Variants in PIEZO2 observed in about 807,000 individuals in gnomAD.
The protein encoded by PIEZO2 is piezo type mechanosensitive ion channel component 2.
PIEZO2 carries 172 observed loss-of-function variants against 337.3 expected under a neutral mutation model. That is an observed-to-expected ratio of 0.51 (90% CI 0.45 to 0.58). PIEZO2 has a LOEUF of 0.58. PIEZO2 is among the 20% of genes least tolerant of loss of function. PIEZO2 has a pLI of 0.00. For synonymous variants in PIEZO2, 1,251 were observed against 1,228.5 expected, an observed-to-expected ratio of 1.02 and a Z score of -0.38; for missense variants, 3,028 against 3,391.3, an observed-to-expected ratio of 0.89 and a Z score of 2.66.
At chr18:10,883,054 G>T (rs1427934345) in intron 4 of PIEZO2, among the ~76,000 whole-genome samples, 1 of 151,854 alleles carries the variant, frequency 6.6e-6, no homozygotes, top group South Asian at 2.1e-4. Context: ...GGCCAGGATG[G>T]TCTCGATCTC....
At chr18:11,051,048 G>A (rs553577571) in intron 2 of PIEZO2, among the ~76,000 whole-genome samples, 45 of 152,166 alleles carry the variant, frequency 3.0e-4, no homozygotes, top group Middle Eastern at 6.8e-3. Flanking sequence ...TATTATTCCC[G>A]TGGCCATTTT....
chr18:10,890,168 T>A (rs1015446386), intron 4 of PIEZO2, among the ~76,000 whole-genome samples: 1 of 152,218 alleles, frequency 6.6e-6, no homozygotes, highest in Non-Finnish European at 1.5e-5. Context: ...GTGTTTAAAC[T>A]ACAGCCCATA....
intron 37 of PIEZO2, 94 bp from the exon 38 acceptor site, chr18:10,715,910 T>C (rs1452025551): frequency 2.6e-5 from 27 of 1,042,692 alleles, no homozygotes; most frequent in Non-Finnish European, 3.7e-5. Context: ...AAGCTGGACC[T>C]GGCTCTTGGC....
In PIEZO2 at chr18:11,120,714, A is replaced by T. The variant is rs190353880; in HGVS notation, c.64+27811T>A. 1.3e-3 allele frequency among the ~76,000 whole-genome samples: 199 copies of T among 152,360 alleles called. 1 individual carries two copies. In the Middle Eastern group the frequency reaches 0.014, roughly 10 times the overall value. On this transcript the variant is annotated intron_variant, in intron 1 of 55. Transcript: ENST00000674853. ...TATTAAATCAACTGTAAATCTAAGG[A>T]CATATCTTTACAATCTTGGCTACAA...
chr18:10,778,898 T>C (rs2038885162), intron 18 of PIEZO2, among the ~76,000 whole-genome samples: 1 of 152,196 alleles, frequency 6.6e-6, no homozygotes, highest in Admixed American at 6.5e-5. Flanking sequence ...TGCCCTCTTA[T>C]GGGTCTCAGC....
In PIEZO2 at chr18:10,952,865, CCCTT is replaced by C. The variant is rs749816608; in HGVS notation, c.286+26666_286+26669del. The stretch of plus-strand genomic sequence containing the variant: ...ATTTCCTCAGCATTTGGAATGCCTT[CCCTT>C]CCTTCCTTCCTTCCTTTCATCCCTC... On this transcript the variant is annotated intron_variant, in intron 3 of 55. Coordinates refer to ENST00000674853, the MANE Select transcript of PIEZO2 (RefSeq NM_001378183.1). This position sits in a 1 kb window ranked among gnomAD's most constrained non-coding sequence, Gnocchi z 4.1. Among the ~76,000 whole-genome samples, 14 of 120,176 alleles carry C rather than the reference CCCTT, an allele frequency of 1.2e-4. No individual in the cohort carries two copies. Among genetic ancestry groups the C allele is most frequent in the South Asian group, 7.5e-4 (3 of 3,988 alleles). 78.8% of individuals were successfully genotyped at this position (120,176 alleles called of 152,430 possible). A position where few individuals can be genotyped will look rare whatever the true frequency, so the allele number is the denominator to read the frequency against.
At chr18:10,749,398 G>C (rs1345815731) in intron 29 of PIEZO2, among the ~76,000 whole-genome samples, 5 of 152,164 alleles carry the variant, frequency 3.3e-5, no homozygotes, top group Non-Finnish European at 7.3e-5. Context: ...AGGAGTTCAA[G>C]GTTACAGTGA....
rs2034600996 is a variant in PIEZO2 at position 10,979,929 on chromosome 18, C to G, written c.161-269G>C. ...CATATGACACATTACAGTGGAACTA[C>G]AAAAAGGTCCTGGACCAAAACATTT... On this transcript the variant is annotated intron_variant, in intron 2 of 55. Transcript: ENST00000674853. The surrounding 1 kb of genome is among the most constrained non-coding windows in gnomAD (Gnocchi z 4.0). Among the ~76,000 whole-genome samples the G allele has an allele frequency of 6.6e-6, 1 of 152,136 alleles. No individual in the cohort carries two copies. Among genetic ancestry groups the G allele is most frequent in the African/African-American group, 2.4e-5 (1 of 41,440 alleles).
At position 10,878,485 on chromosome 18, in the gene PIEZO2, T is replaced by A. The variant is rs953239642; in HGVS notation, c.330-7070A>T. On this transcript the variant is annotated intron_variant, in intron 4 of 55. Coordinates refer to ENST00000674853, the MANE Select transcript of PIEZO2 (RefSeq NM_001378183.1). This position sits in a 1 kb window ranked among gnomAD's most constrained non-coding sequence, Gnocchi z 4.3. ...AAATAAAGTTTCAGTTATTTGCACA[T>A]GCAGATTTCATTGTCAAAATTGGAA... Among the ~76,000 whole-genome samples the A allele has an allele frequency of 6.6e-6, 1 of 152,200 alleles. No homozygotes were observed. Among genetic ancestry groups the A allele is most frequent in the African/African-American group, 2.4e-5 (1 of 41,440 alleles).
Position 10,813,247 on chromosome 18 carries a change from G to A in PIEZO2, c.918-5973C>T, listed in dbSNP as rs2040254561. ...GCCCGCCTGGGCCTCCCAAAGTGCT[G>A]GCATTACAGGAGTGAGCCACCGCGC... is the stretch of plus-strand genomic sequence containing the variant. On this transcript the variant is annotated intron_variant, in intron 7 of 55. Transcript: ENST00000674853. This position sits in a 1 kb window ranked among gnomAD's most constrained non-coding sequence, Gnocchi z 4.2. 1.3e-5 allele frequency among the ~76,000 whole-genome samples: 2 copies of A among 152,112 alleles called. No homozygotes were observed. Among genetic ancestry groups the A allele is most frequent in the South Asian group, 2.1e-4 (1 of 4,830 alleles).
chr18:10,812,505 T>G (rs1327633967), intron 7 of PIEZO2, among the ~76,000 whole-genome samples: 1 of 151,112 alleles, frequency 6.6e-6, no homozygotes, highest in Non-Finnish European at 1.5e-5. Flanking sequence ...CCTGAACATG[T>G]ACCTCTGAAA....
chr18:11,088,701 TA>T (rs1206165573), intron 1 of PIEZO2, among the ~76,000 whole-genome samples: 3 of 152,174 alleles, frequency 2.0e-5, no homozygotes. Flanking sequence ...CAAAGGAGAC[TA>T]GAGAACCACA....
Position 11,146,221 on chromosome 18 carries a change from C to A in PIEZO2, c.64+2304G>T, listed in dbSNP as rs916891431. 1.3e-5 allele frequency among the ~76,000 whole-genome samples: 2 copies of A among 152,130 alleles called. No individual in the cohort carries two copies. Reference sequence around the variant, plus strand: ...AGACTCAGCTGTCCCCGAGGCAAGACGCAGTTTGCATGTTGGCCAAGGTTA... The same window carrying A: ...AGACTCAGCTGTCCCCGAGGCAAGAAGCAGTTTGCATGTTGGCCAAGGTTA... On this transcript the variant is annotated intron_variant, in intron 1 of 55. Coordinates refer to ENST00000674853, the MANE Select transcript of PIEZO2 (RefSeq NM_001378183.1). This position sits in a 1 kb window ranked among gnomAD's most constrained non-coding sequence, Gnocchi z 6.1.
chr18:10,893,283 A>T (rs567120749), intron 4 of PIEZO2, among the ~76,000 whole-genome samples: 2 of 152,364 alleles, frequency 1.3e-5, no homozygotes, highest in East Asian at 3.9e-4. Context: ...TTGTATGCCT[A>T]CACATTTGAA....
At position 10,824,664 on chromosome 18, in the gene PIEZO2, T is replaced by C. The variant is rs2040616523; in HGVS notation, c.918-17390A>G. On this transcript the variant is annotated intron_variant, in intron 7 of 55. Transcript: ENST00000674853. The surrounding 1 kb of genome is among the most constrained non-coding windows in gnomAD (Gnocchi z 4.4). ...AGTTCCAAGATATATTTCAAGTGTT[T>C]TTTTAAATTTTAGAACAATTTTAAA... is the stretch of plus-strand genomic sequence containing the variant. 6.6e-6 allele frequency among the ~76,000 whole-genome samples: 1 copy of C among 152,204 alleles called. No individual in the cohort carries two copies. Among genetic ancestry groups the C allele is most frequent in the African/African-American group, 2.4e-5 (1 of 41,456 alleles).
chr18:10,709,912 C>A (rs2035749462), intron 39 of PIEZO2, among the ~76,000 whole-genome samples: 1 of 152,222 alleles, frequency 6.6e-6, no homozygotes, highest in South Asian at 2.1e-4. Context: ...ACAATGTCAC[C>A]ATGGCCTGGA....
At chr18:10,977,155 T>C (rs2034476694) in intron 3 of PIEZO2, among the ~76,000 whole-genome samples, 1 of 152,044 alleles carries the variant, frequency 6.6e-6, no homozygotes, top group African/African-American at 2.4e-5. Flanking sequence ...TTTTGACATT[T>C]GTAGAATTAT....
intron 4 of PIEZO2, among the ~76,000 whole-genome samples, chr18:10,887,217 G>A (rs550366832): frequency 7.9e-5 from 12 of 151,758 alleles, no homozygotes; most frequent in African/African-American, 2.4e-4. Context: ...CTACAGGTGT[G>A]CACTAGCACA....
Position 10,996,515 on chromosome 18 carries a change from C to A in PIEZO2, c.161-16855G>T, listed in dbSNP as rs116822591. ...AGCAGCTGCTCTCCATTCCCCCATC[C>A]CAACCCCTGGCAACTGTAAGTCAGC... On this transcript the variant is annotated intron_variant, in intron 2 of 55. Transcript: ENST00000674853. Among the ~76,000 whole-genome samples the A allele has an allele frequency of 1.3e-3, 201 of 152,312 alleles. 1 individual carries two copies. Among genetic ancestry groups the A allele is most frequent in the African/African-American group, 4.5e-3 (189 of 41,570 alleles).
Sources: gnomAD v4.1 joint callset for allele counts (sites outside exome capture counted in the v4.1 genomes callset) on GRCh38, gnomAD v4.1.1 for gene constraint, Gnocchi (gnomAD v3.1) non-coding constraint, MANE v1.5 for transcripts, NCBI Gene and HGNC (gene_info 2026-07-23, HGNC 2026-07-21) for gene names.